Variants in PIP4K2A observed in about 807,000 individuals in gnomAD.
PIP4K2A encodes the protein phosphatidylinositol 5-phosphate 4-kinase type-2 alpha.
In PIP4K2A, 14 loss-of-function variants were observed where a neutral mutation model predicts 42.9. The observed-to-expected ratio is 0.33, with a 90% confidence interval of 0.22 to 0.51. The LOEUF (loss-of-function observed/expected upper bound fraction) is 0.51. Among genes scored for constraint, PIP4K2A ranks in the 20% least tolerant of loss-of-function variants. The pLI is 0.97. For missense variants in PIP4K2A, 434 were observed against 519.8 expected (o/e 0.83, Z 1.61); for synonymous variants, 192 against 192.2 (o/e 1.00, Z 0.01).
chr10:22,630,384 G>C (rs1262635127), intron 1 of PIP4K2A, among the ~76,000 whole-genome samples: 2 of 151,926 alleles, frequency 1.3e-5, no homozygotes, highest in African/African-American at 4.8e-5. Flanking sequence ...TTTTCCTCTA[G>C]CCCTATGTTT....
Position 22,609,674 on chromosome 10 carries a change from G to T in PIP4K2A, c.188C>A (p.Pro63Gln). The change falls in exon 2 of 10, where the codon CCA becomes CAA. Residue 63 changes from proline (P) to glutamine (Q), a missense_variant. Physicochemically the swap from Pro to Gln is moderately conservative, Grantham distance 76. Transcript: ENST00000376573. ...SHVQIPVMLM[P>Q]DDFKAYSKIK... ...TTTTGAATAGGCTTTGAAGTCATCT[G>T]GCATCAACATAACAGGGATTTGAAC... The T allele has an allele frequency of 6.2e-7, 1 of 1,609,754 alleles. No homozygotes were observed. The highest frequency in any genetic ancestry group is 8.5e-7 in the Non-Finnish European group (1 of 1,176,862).
At chr10:22,607,563 C>T (rs1837932126) in intron 3 of PIP4K2A, among the ~76,000 whole-genome samples, 1 of 152,090 alleles carries the variant, frequency 6.6e-6, no homozygotes, top group Non-Finnish European at 1.5e-5. Flanking sequence ...TACGAAGATA[C>T]AAAACATGCA....
intron 1 of PIP4K2A, among the ~76,000 whole-genome samples, chr10:22,621,969 A>G (rs1750758): frequency 0.45 from 68,214 of 152,046 alleles, 17,117 homozygotes; most frequent in African/African-American, 0.68. Context: ...CCATGCTGCC[A>G]TTTACACTGC....
At chr10:22,704,467 A>T (rs1296738504) in intron 1 of PIP4K2A, among the ~76,000 whole-genome samples, 2 of 152,014 alleles carry the variant, frequency 1.3e-5, no homozygotes, top group Non-Finnish European at 2.9e-5. Flanking sequence ...AGGAGACCTC[A>T]GCTTTAGACA....
At chr10:22,655,696 T>C (rs916858682) in intron 1 of PIP4K2A, among the ~76,000 whole-genome samples, 1 of 152,242 alleles carries the variant, frequency 6.6e-6, no homozygotes, top group African/African-American at 2.4e-5. Flanking sequence ...TCAACAACTA[T>C]TTATTAAAAT....
chr10:22,575,543 C>G (rs1459162234), intron 4 of PIP4K2A, among the ~76,000 whole-genome samples: 2 of 152,202 alleles, frequency 1.3e-5, no homozygotes, highest in Non-Finnish European at 2.9e-5. Context: ...AAATCATTGA[C>G]TAGTTGTCCC....
At chr10:22,543,499 G>T (rs914245037) in intron 7 of PIP4K2A, among the ~76,000 whole-genome samples, 1 of 152,208 alleles carries the variant, frequency 6.6e-6, no homozygotes. Flanking sequence ...GGGCTCCTGC[G>T]TTCAGCTTTC....
chr10:22,561,084 C>T (rs1427812247), intron 6 of PIP4K2A, among the ~76,000 whole-genome samples: 3 of 152,360 alleles, frequency 2.0e-5, no homozygotes, highest in East Asian at 1.9e-4. Context: ...TCACATTTCT[C>T]TGTCTCATTT....
chr10:22,597,349 T>C (rs1588652712), intron 3 of PIP4K2A, among the ~76,000 whole-genome samples: 1 of 152,174 alleles, frequency 6.6e-6, no homozygotes, highest in Non-Finnish European at 1.5e-5. Flanking sequence ...GTGAGTCCTG[T>C]TGACTGTGGT....
At chr10:22,647,308 CTG>C (rs747952978) in intron 1 of PIP4K2A, among the ~76,000 whole-genome samples, 130 of 140,260 alleles carry the variant, frequency 9.3e-4, no homozygotes, top group Non-Finnish European at 1.7e-3. Context: ...TCTCTAAATA[CTG>C]TGTGTGTGTG....
intron 1 of PIP4K2A, 59 bp from the exon 2 acceptor site, chr10:22,609,776 C>T (rs1219955820): frequency 7.0e-6 from 7 of 1,000,024 alleles, no homozygotes; most frequent in Non-Finnish European, 9.1e-6. Context: ...GAGGACTTGA[C>T]TTGAATGTGT....
chr10:22,651,615 T>C (rs1428369454), intron 1 of PIP4K2A, among the ~76,000 whole-genome samples: 1 of 152,238 alleles, frequency 6.6e-6, no homozygotes, highest in Non-Finnish European at 1.5e-5. Context: ...CCCCTTATTA[T>C]TTACTTCTAA....
rs559394421 is a variant in PIP4K2A, at chr10:22,677,922, G to A, written c.144+36261C>T. 7.9e-5 allele frequency among the ~76,000 whole-genome samples: 12 copies of A among 152,224 alleles called. No homozygotes were observed. In the South Asian group the frequency reaches 2.3e-3, roughly 29 times the overall value. On this transcript the variant is annotated intron_variant, in intron 1 of 9. Coordinates refer to ENST00000376573, the MANE Select transcript of PIP4K2A (RefSeq NM_005028.5). Reference sequence around the variant, plus strand: ...GCTGCGTGTGGTCTAAGGAAGAGTCGATATAATAGGCCACTAAGGGCTCTT... The same window carrying A: ...GCTGCGTGTGGTCTAAGGAAGAGTCAATATAATAGGCCACTAAGGGCTCTT...
chr10:22,559,856 T>C (rs1306507007), intron 6 of PIP4K2A, among the ~76,000 whole-genome samples: 1 of 152,156 alleles, frequency 6.6e-6, no homozygotes, highest in African/African-American at 2.4e-5. Context: ...AATCCTTTAA[T>C]TTTACAAACG....
intron 1 of PIP4K2A, among the ~76,000 whole-genome samples, chr10:22,664,138 TATACATATATATAC>T: frequency 2.2e-5 from 1 of 45,782 alleles, no homozygotes; most frequent in African/African-American, 2.5e-4. Context: ...TACATATATA[TATACATATATATAC>T]ACATATATAT....
In PIP4K2A at chr10:22,627,588, T is replaced by TAAAAAAAAAAAAA. The variant is rs1564448260; in HGVS notation, c.145-17872_145-17871insTTTTTTTTTTTTT. 6.7e-4 allele frequency among the ~76,000 whole-genome samples: 26 copies of TAAAAAAAAAAAAA among 38,920 alleles called. 2 individuals are homozygous for TAAAAAAAAAAAAA. The highest frequency in any genetic ancestry group is 8.0e-4 in the African/African-American group (11 of 13,744). The allele number at this position is 38,920 out of a possible 152,430, so 25.5% of individuals were successfully genotyped here. ...ATTTGTTTAACCAAAAGCTAATATGTAATAAAAAAAAAAAAAAAAAAAAAA... is the reference window on the plus strand; with the variant it reads ...ATTTGTTTAACCAAAAGCTAATATGTAAAAAAAAAAAAAAATAAAAAAAAAAAAAAAAAAAAAA... On this transcript the variant is annotated intron_variant, in intron 1 of 9. Transcript: ENST00000376573.
rs901321399 is a variant in PIP4K2A, at chr10:22,541,707, C to T, written c.1036+97G>A. On this transcript the variant is annotated intron_variant, in intron 8 of 9. Coordinates refer to ENST00000376573, the MANE Select transcript of PIP4K2A (RefSeq NM_005028.5). The stretch of plus-strand genomic sequence containing the variant: ...AGTTTGGAGGATGAGTGCTGCCGGG[C>T]AGCACCCTCATAACTGGGGTAGTGC... 6 of 1,363,552 alleles carry T rather than the reference C, an allele frequency of 4.4e-6. No individual in the cohort carries two copies. The African/African-American group carries it at 7.3e-5, about 17-fold the overall frequency. The allele number at this position is 1,363,552 out of a possible 1,614,324, so 84.5% of individuals were successfully genotyped here.
chr10:22,631,392 A>G (rs1047360387), intron 1 of PIP4K2A, among the ~76,000 whole-genome samples: 3 of 152,128 alleles, frequency 2.0e-5, no homozygotes, highest in African/African-American at 7.2e-5. Flanking sequence ...AAAGAGCTCA[A>G]TGCCCCCATC....
intron 1 of PIP4K2A, among the ~76,000 whole-genome samples, chr10:22,630,666 A>G (rs935597481): frequency 6.6e-6 from 1 of 152,234 alleles, no homozygotes; most frequent in Non-Finnish European, 1.5e-5. Flanking sequence ...ATATATGATT[A>G]TCAGCAAAAC....
Sources: allele counts gnomAD v4.1 joint callset (sites outside exome capture counted in the v4.1 genomes callset), GRCh38; gene constraint gnomAD v4.1.1; transcripts MANE v1.5; gene names NCBI Gene and HGNC (gene_info 2026-07-23, HGNC 2026-07-21).